GULP1: variants seen among roughly 807,000 people sequenced by gnomAD.
GULP1 encodes the protein GULP PTB domain containing engulfment adaptor 1, also known as PTB domain-containing engulfment adapter protein 1.
In GULP1, 19 loss-of-function variants were observed where a neutral mutation model predicts 40.9. The ratio of observed to expected loss-of-function variants is 0.46; its 90% CI spans 0.32 to 0.68. GULP1 has a LOEUF of 0.68. GULP1 is among the 30% of genes least tolerant of loss of function. The pLI is 0.03. For synonymous variants in GULP1, 119 were observed against 117.6 expected (o/e 1.01, Z -0.08); for missense variants, 312 against 362.2 (o/e 0.86, Z 1.12).
chr2:188,496,138 A>T (rs1027041689), intron 4 of GULP1, among the ~76,000 whole-genome samples: 3 of 152,062 alleles, frequency 2.0e-5, no homozygotes, highest in Non-Finnish European at 4.4e-5. Context: ...TCAGAGAAGC[A>T]TGAGTCACCT....
At chr2:188,311,466 G>T (rs1405479883) in intron 1 of GULP1, among the ~76,000 whole-genome samples, 2 of 152,138 alleles carry the variant, frequency 1.3e-5, no homozygotes, top group Non-Finnish European at 2.9e-5. Context: ...AAAGTGCTGG[G>T]ATTATAGGCG....
chr2:188,481,754 G>A (rs892450416), intron 3 of GULP1, among the ~76,000 whole-genome samples: 2 of 151,910 alleles, frequency 1.3e-5, no homozygotes, highest in Non-Finnish European at 2.9e-5. Flanking sequence ...TTTTGGAAAG[G>A]AGACATGAAA....
intron 4 of GULP1, among the ~76,000 whole-genome samples, chr2:188,496,533 G>A (rs2062913555): frequency 2.0e-5 from 3 of 151,888 alleles, no homozygotes; most frequent in African/African-American, 4.8e-5. Flanking sequence ...CTCAAGCGTT[G>A]CCAGAAGAAA....
intron 4 of GULP1, among the ~76,000 whole-genome samples, chr2:188,499,107 A>G (rs1307991423): frequency 7.1e-6 from 1 of 141,386 alleles, no homozygotes; most frequent in Non-Finnish European, 1.5e-5. Flanking sequence ...TTATATATAT[A>G]CATATACAAA....
In GULP1 at chr2:188,382,059, A is replaced by G. The variant is rs186073942; in HGVS notation, c.-171-1704A>G. Among the ~76,000 whole-genome samples the G allele has an allele frequency of 1.3e-3, 192 of 152,334 alleles. 2 individuals are homozygous for G. Among genetic ancestry groups the G allele is most frequent in the African/African-American group, 4.4e-3 (185 of 41,584 alleles). ...GTGCTAATATTTTAATTCAAAATTT[A>G]AAATTGTTGCTTTTTGTAGTAGATG... On this transcript the variant is annotated intron_variant, in intron 1 of 11. Transcript: ENST00000409830.
intron 1 of GULP1, among the ~76,000 whole-genome samples, chr2:188,353,167 T>C (rs1306654156): frequency 6.6e-6 from 1 of 152,150 alleles, no homozygotes; most frequent in African/African-American, 2.4e-5. Context: ...ATATGAATTA[T>C]TTTAGGAAAA....
intron 4 of GULP1, among the ~76,000 whole-genome samples, chr2:188,516,829 T>C (rs984362543): frequency 5.9e-5 from 9 of 152,210 alleles, no homozygotes; most frequent in Non-Finnish European, 8.8e-5. Flanking sequence ...TATCTTATTT[T>C]AAATATCTGG....
At chr2:188,331,916 GTT>G (rs1443264942) in intron 1 of GULP1, among the ~76,000 whole-genome samples, 3 of 151,776 alleles carry the variant, frequency 2.0e-5, no homozygotes, top group Non-Finnish European at 4.4e-5. Context: ...TGACTATATT[GTT>G]ATTAAAATGA....
At chr2:188,400,877 T>C (rs2052147634) in intron 2 of GULP1, among the ~76,000 whole-genome samples, 1 of 151,794 alleles carries the variant, frequency 6.6e-6, no homozygotes, top group South Asian at 2.1e-4. Context: ...TCTGAGACTA[T>C]GTGGATGAAA....
At chr2:188,587,410 T>G (rs1034868210) in intron 10 of GULP1, among the ~76,000 whole-genome samples, 4 of 152,104 alleles carry the variant, frequency 2.6e-5, no homozygotes, top group Non-Finnish European at 5.9e-5. Context: ...GAACTTTGAG[T>G]AGAGCTACTT....
chr2:188,336,792 C>G (rs1049382200), intron 1 of GULP1, among the ~76,000 whole-genome samples: 5 of 152,168 alleles, frequency 3.3e-5, no homozygotes, highest in African/African-American at 1.2e-4. Context: ...AGGAGGACCA[C>G]TAAAAGACTA....
intron 4 of GULP1, among the ~76,000 whole-genome samples, chr2:188,505,193 C>T (rs1490254491): frequency 6.6e-6 from 1 of 151,736 alleles, no homozygotes; most frequent in South Asian, 2.1e-4. Context: ...TGAATAAAAA[C>T]CAATTCTTTC....
rs1011273608 is a variant in GULP1, at chr2:188,569,094, A to C, written c.400-145A>C. ...ATTAGCCTACTACCTTGCTCATTTA[A>C]TACATCTCTACTCCCAACTGTTGCC... is the stretch of plus-strand genomic sequence containing the variant. On this transcript the variant is annotated intron_variant, in intron 7 of 11. Transcript: ENST00000409830. 10 of 577,060 alleles carry C rather than the reference A, an allele frequency of 1.7e-5. No individual in the cohort carries two copies. The Admixed American group carries it at 3.0e-4, about 17-fold the overall frequency. 35.7% of individuals were successfully genotyped at this position (577,060 alleles called of 1,614,324 possible). A position where few individuals can be genotyped will look rare whatever the true frequency, so the allele number is the denominator to read the frequency against.
At chr2:188,346,250 T>C (rs1294585053) in intron 1 of GULP1, among the ~76,000 whole-genome samples, 3 of 152,122 alleles carry the variant, frequency 2.0e-5, no homozygotes, top group African/African-American at 4.8e-5. Context: ...AGTTGTATTA[T>C]AATAGGATGT....
intron 11 of GULP1, chr2:188,590,063 C>T (rs1404698406): frequency 5.8e-6 from 1 of 171,472 alleles, no homozygotes. Context: ...ACCTCCACCG[C>T]CCGGGCTCAA....
chr2:188,341,262 T>A (rs2042932021), intron 1 of GULP1, among the ~76,000 whole-genome samples: 1 of 151,974 alleles, frequency 6.6e-6, no homozygotes, highest in Admixed American at 6.6e-5. Flanking sequence ...GCACATCGCA[T>A]GGTGAAAGCA....
At chr2:188,456,507 G>A (rs546592148) in intron 2 of GULP1, among the ~76,000 whole-genome samples, 2 of 152,316 alleles carry the variant, frequency 1.3e-5, no homozygotes, top group African/African-American at 4.8e-5. Context: ...GAGCCTGTGG[G>A]TGCACAGAAG....
At chr2:188,573,923 T>C (rs971840459) in intron 9 of GULP1, among the ~76,000 whole-genome samples, 5 of 152,174 alleles carry the variant, frequency 3.3e-5, no homozygotes, top group Non-Finnish European at 5.9e-5. Flanking sequence ...CTTGATCCCA[T>C]TGGAAGCCAA....
At chr2:188,431,295 A>C (rs562853669) in intron 2 of GULP1, among the ~76,000 whole-genome samples, 1 of 151,590 alleles carries the variant, frequency 6.6e-6, no homozygotes, top group Non-Finnish European at 1.5e-5. Flanking sequence ...GAACTGGAGG[A>C]AAAAAAAAGT....
Sources: gnomAD v4.1 joint callset for allele counts (sites outside exome capture counted in the v4.1 genomes callset) on GRCh38, gnomAD v4.1.1 for gene constraint, MANE v1.5 for transcripts, NCBI Gene and HGNC (gene_info 2026-07-23, HGNC 2026-07-21) for gene names.